The following WDR70 variants were observed in gnomAD, a reference collection of about 807,000 sequenced individuals.
WDR70 encodes WD repeat-containing protein 70.
A neutral mutation model predicts 88.6 loss-of-function variants in WDR70; 53 were observed. The ratio of observed to expected loss-of-function variants is 0.60; its 90% CI spans 0.48 to 0.75. WDR70 has a LOEUF of 0.75. WDR70 is among the 30% of genes least tolerant of loss of function. WDR70 has a pLI of 0.00. For synonymous variants in WDR70, 280 were observed against 270.0 expected, an observed-to-expected ratio of 1.04 and a Z score of -0.36; for missense variants, 610 against 823.2, an observed-to-expected ratio of 0.74 and a Z score of 3.17.
intron 10 of WDR70, among the ~76,000 whole-genome samples, chr5:37,632,032 A>C (rs1341820636): frequency 6.6e-6 from 1 of 152,166 alleles, no homozygotes; most frequent in Admixed American, 6.5e-5. Flanking sequence ...GTTTAGACTC[A>C]AGTACAGTCA....
intron 10 of WDR70, among the ~76,000 whole-genome samples, chr5:37,645,927 A>G (rs1046743827): frequency 6.6e-6 from 1 of 152,006 alleles, no homozygotes; most frequent in Non-Finnish European, 1.5e-5. Flanking sequence ...CCATTCAGCC[A>G]GTTTGTATCT....
At chr5:37,752,010 A>G (rs1335798461) in intron 17 of WDR70, among the ~76,000 whole-genome samples, 1 of 152,242 alleles carries the variant, frequency 6.6e-6, no homozygotes, top group African/African-American at 2.4e-5. Flanking sequence ...ATAAGAAAAC[A>G]AACTCATATT....
intron 10 of WDR70, among the ~76,000 whole-genome samples, chr5:37,622,690 G>A (rs545782886): frequency 1.3e-4 from 19 of 151,832 alleles, no homozygotes; most frequent in South Asian, 2.1e-4. Context: ...GAATTGAACA[G>A]TGAGAACACA....
intron 10 of WDR70, among the ~76,000 whole-genome samples, chr5:37,612,007 T>C (rs879892333): frequency 2.6e-5 from 4 of 152,162 alleles, no homozygotes; most frequent in Non-Finnish European, 4.4e-5. Flanking sequence ...TCTTCTCCTT[T>C]CTTTCTGCAA....
At position 37,605,248 on chromosome 5, in the gene WDR70, A is replaced by G. The variant is rs770552965; in HGVS notation, c.1092+10A>G. On this transcript the variant is annotated intron_variant, in intron 10 of 17. Coordinates refer to ENST00000265107, the MANE Select transcript of WDR70 (RefSeq NM_018034.4). The stretch of plus-strand genomic sequence containing the variant: ...GGACCGAAATTTGACTGTAAGTTAA[A>G]TCTTTTCTTAGAACATGGCCACCTT... 2.5e-6 allele frequency: 4 copies of G among 1,587,370 alleles called. No homozygotes were observed. The highest frequency in any genetic ancestry group is 3.4e-6 in the Non-Finnish European group (4 of 1,166,356).
At chr5:37,550,424 C>G (rs1474744936) in intron 9 of WDR70, among the ~76,000 whole-genome samples, 1 of 152,050 alleles carries the variant, frequency 6.6e-6, no homozygotes, top group Admixed American at 6.6e-5. Context: ...GATGCATATG[C>G]TGAGGAAAAG....
At chr5:37,502,323 G>T (rs1160801088) in intron 8 of WDR70, among the ~76,000 whole-genome samples, 2 of 152,108 alleles carry the variant, frequency 1.3e-5, no homozygotes, top group Non-Finnish European at 2.9e-5. Context: ...ATGAATAGAA[G>T]TGTGGTAAAA....
chr5:37,661,773 G>C (rs887760957), intron 10 of WDR70, among the ~76,000 whole-genome samples: 4 of 152,168 alleles, frequency 2.6e-5, no homozygotes, highest in Non-Finnish European at 5.9e-5. Flanking sequence ...CAAGTGCAGG[G>C]TCTGCAAAAT....
At chr5:37,697,507 A>G (rs562809515) in intron 10 of WDR70, 148 bp from the exon 11 acceptor site, 2 of 594,472 alleles carry the variant, frequency 3.4e-6, no homozygotes, top group African/African-American at 1.8e-5. Context: ...TCTTTTTTTT[A>G]GAAAGCAAAT....
chr5:37,711,455 T>TA (rs1747509850), intron 13 of WDR70, among the ~76,000 whole-genome samples: 2 of 152,202 alleles, frequency 1.3e-5, no homozygotes, highest in Admixed American at 6.5e-5. Context: ...TTTTCTTTAT[T>TA]TTTAGCCTCA....
At chr5:37,499,987 T>G (rs1298890306) in intron 8 of WDR70, among the ~76,000 whole-genome samples, 2 of 152,226 alleles carry the variant, frequency 1.3e-5, no homozygotes, top group Non-Finnish European at 2.9e-5. Context: ...CAAATGGTTT[T>G]TATTTACATG....
At chr5:37,416,683 G>A (rs531085991) in intron 5 of WDR70, among the ~76,000 whole-genome samples, 2 of 151,690 alleles carry the variant, frequency 1.3e-5, no homozygotes, top group South Asian at 2.1e-4. Flanking sequence ...AGGCTCAAGC[G>A]ATTTTCGTGC....
At chr5:37,623,261 A>G (rs1744565654) in intron 10 of WDR70, among the ~76,000 whole-genome samples, 1 of 152,154 alleles carries the variant, frequency 6.6e-6, no homozygotes, top group African/African-American at 2.4e-5. Flanking sequence ...TCACTTTACT[A>G]TTAAAGGGGT....
intron 8 of WDR70, among the ~76,000 whole-genome samples, chr5:37,481,403 G>A (rs545006176): frequency 1.2e-4 from 19 of 152,246 alleles, no homozygotes; most frequent in Non-Finnish European, 2.4e-4. Context: ...AAATCTAGGC[G>A]GAGGTTCACG....
intron 5 of WDR70, among the ~76,000 whole-genome samples, chr5:37,404,959 G>A (rs1192763084): frequency 6.6e-6 from 1 of 152,108 alleles, no homozygotes; most frequent in Non-Finnish European, 1.5e-5. Context: ...TGGGTGTGTG[G>A]TATGGTGAGA....
intron 7 of WDR70, among the ~76,000 whole-genome samples, chr5:37,476,916 A>G (rs1739504462): frequency 6.6e-6 from 1 of 152,134 alleles, no homozygotes; most frequent in African/African-American, 2.4e-5. Flanking sequence ...AGCTCATTGC[A>G]TAGCTGGGAT....
At chr5:37,523,224 TC>T (rs1741150959) in intron 9 of WDR70, among the ~76,000 whole-genome samples, 1 of 152,018 alleles carries the variant, frequency 6.6e-6, no homozygotes, top group South Asian at 2.1e-4. Flanking sequence ...CTGGGATGCA[TC>T]CCCCCAATAG....
chr5:37,576,027 TTTCC>T lies in WDR70; in HGVS notation c.918-29012_918-29009del, dbSNP rs369405090. On this transcript the variant is annotated intron_variant, in intron 9 of 17. Transcript: ENST00000265107. ...AAGTATTACGAGTATAAAAAGCAGA[TTTCC>T]TTCCTTCCTTCCTTCCTTCCTTCCA... 7.5e-3 allele frequency among the ~76,000 whole-genome samples: 1,136 copies of T among 150,656 alleles called. 7 individuals carry two copies. The highest frequency in any genetic ancestry group is 9.8e-3 in the Non-Finnish European group (663 of 67,626).
At chr5:37,439,214 G>A (rs765685078) in intron 6 of WDR70, among the ~76,000 whole-genome samples, 25 of 152,018 alleles carry the variant, frequency 1.6e-4, no homozygotes, top group African/African-American at 2.4e-4. Context: ...CACCGTTCCC[G>A]GCTTGGAGTC....
Sources: allele counts gnomAD v4.1 joint callset (sites outside exome capture counted in the v4.1 genomes callset), GRCh38; gene constraint gnomAD v4.1.1; transcripts MANE v1.5; gene names NCBI Gene and HGNC (gene_info 2026-07-23, HGNC 2026-07-21).